The following CARMIL1 variants were observed in gnomAD, a reference collection of about 807,000 sequenced individuals.
CARMIL1 encodes the protein F-actin-uncapping protein LRRC16A.
In CARMIL1, 90 loss-of-function variants were observed where a neutral mutation model predicts 177.1. The observed-to-expected ratio is 0.51, with a 90% confidence interval of 0.43 to 0.61. The LOEUF (loss-of-function observed/expected upper bound fraction) is 0.61. CARMIL1 is among the 20% of genes least tolerant of loss of function. CARMIL1 has a pLI of 0.00. For synonymous variants in CARMIL1, 577 were observed against 606.2 expected (o/e 0.95, Z 0.71); for missense variants, 1,380 against 1,667.0 (o/e 0.83, Z 3.00).
chr6:25,590,850 AT>A (rs1814227162), intron 31 of CARMIL1, among the ~76,000 whole-genome samples: 1 of 152,048 alleles, frequency 6.6e-6, no homozygotes. Context: ...ATTTTAACAT[AT>A]TTTTAATGCC....
At chr6:25,465,203 A>G (rs1322617899) in intron 8 of CARMIL1, among the ~76,000 whole-genome samples, 1 of 152,068 alleles carries the variant, frequency 6.6e-6, no homozygotes, top group African/African-American at 2.4e-5. Context: ...ACTAGAGAAT[A>G]CTATATGAGA....
intron 32 of CARMIL1, among the ~76,000 whole-genome samples, chr6:25,597,276 C>T (rs764328940): frequency 6.6e-5 from 10 of 152,080 alleles, no homozygotes; most frequent in Non-Finnish European, 1.2e-4. Flanking sequence ...AAAGGTACCA[C>T]CTCCCAATAC....
At chr6:25,370,571 G>T (rs965940293) in intron 2 of CARMIL1, among the ~76,000 whole-genome samples, 1 of 152,126 alleles carries the variant, frequency 6.6e-6, no homozygotes, top group Non-Finnish European at 1.5e-5. Context: ...TTTGTCTTTT[G>T]TACTGCCCCG....
At chr6:25,588,200 T>C (rs1029701411) in intron 31 of CARMIL1, among the ~76,000 whole-genome samples, 8 of 152,188 alleles carry the variant, frequency 5.3e-5, no homozygotes, top group African/African-American at 1.9e-4. Flanking sequence ...TCCTCAAGCG[T>C]CCTGGAACCA....
chr6:25,383,218 G>A lies in CARMIL1; in HGVS notation c.139-36896G>A, dbSNP rs538881870. Among the ~76,000 whole-genome samples, 7 of 152,276 alleles carry A rather than the reference G, an allele frequency of 4.6e-5. No individual in the cohort carries two copies. In the East Asian group the frequency reaches 7.7e-4, roughly 17 times the overall value. On this transcript the variant is annotated intron_variant, in intron 2 of 36. Transcript: ENST00000329474. ...CTTGGGTAGTGGCATGAGAAAGTGG[G>A]TCTGTTGTTGGGAATAAGGTAGGCT...
At chr6:25,280,000 T>C (rs376470009) in intron 1 of CARMIL1, among the ~76,000 whole-genome samples, 165 bp downstream of exon 1, 1 of 152,094 alleles carries the variant, frequency 6.6e-6, no homozygotes, top group African/African-American at 2.4e-5. Flanking sequence ...TTTGTTCCCA[T>C]CCGACCGCCT....
chr6:25,376,370 G>A (rs973201910), intron 2 of CARMIL1, among the ~76,000 whole-genome samples: 18 of 152,206 alleles, frequency 1.2e-4, no homozygotes, highest in African/African-American at 3.9e-4. Flanking sequence ...ATGAGCCACC[G>A]TATCTGGCTG....
At chr6:25,336,597 T>C (rs1786264171) in intron 2 of CARMIL1, among the ~76,000 whole-genome samples, 1 of 152,228 alleles carries the variant, frequency 6.6e-6, no homozygotes, top group Non-Finnish European at 1.5e-5. Flanking sequence ...ATGTAAATCA[T>C]TCATGAAAGT....
At chr6:25,379,468 G>C (rs548162489) in intron 2 of CARMIL1, among the ~76,000 whole-genome samples, 11 of 152,278 alleles carry the variant, frequency 7.2e-5, no homozygotes, top group African/African-American at 2.4e-4. Context: ...TGGATAGATG[G>C]AAGAAGGAGG....
chr6:25,601,341 G>A (rs906390285), intron 33 of CARMIL1, among the ~76,000 whole-genome samples: 2 of 152,120 alleles, frequency 1.3e-5, no homozygotes, highest in African/African-American at 2.4e-5. Context: ...CTGCCCAGGG[G>A]CCTCCTGTGC....
intron 17 of CARMIL1, among the ~76,000 whole-genome samples, chr6:25,502,698 A>T (rs1487393332): frequency 6.6e-6 from 1 of 152,200 alleles, no homozygotes; most frequent in Non-Finnish European, 1.5e-5. Flanking sequence ...CAGTTCTGTG[A>T]TAAAGCTGGG....
chr6:25,380,574 C>T (rs754961904), intron 2 of CARMIL1, among the ~76,000 whole-genome samples: 5 of 151,956 alleles, frequency 3.3e-5, no homozygotes, highest in Non-Finnish European at 5.9e-5. Context: ...ATGAACTCTA[C>T]AAAAAACTAA....
At chr6:25,407,181 A>G (rs137858998) in intron 2 of CARMIL1, among the ~76,000 whole-genome samples, 36 of 152,268 alleles carry the variant, frequency 2.4e-4, no homozygotes, top group African/African-American at 8.2e-4. Flanking sequence ...AGGCAGGAAT[A>G]TGAAGACACT....
At position 25,450,420 on chromosome 6, in the gene CARMIL1, CTG is replaced by C. The variant is rs1798670225; in HGVS notation, c.540+15_540+16del. On this transcript the variant is annotated intron_variant, in intron 7 of 36. Transcript: ENST00000329474. ...GAAGAAGTACAATGGGTAAGAATGT[CTG>C]TGTACATGTGCATGAGCACACACAC... is the stretch of plus-strand genomic sequence containing the variant. 9.3e-6 allele frequency: 15 copies of C among 1,606,004 alleles called. No individual in the cohort carries two copies. Among genetic ancestry groups the C allele is most frequent in the Non-Finnish European group, 1.3e-5 (15 of 1,172,952 alleles).
rs74332838 is a variant in CARMIL1 at position 25,571,604 on chromosome 6, T to C, written c.2743-9320T>C. The stretch of plus-strand genomic sequence containing the variant: ...TACTTTACAATTAGTACTTTACAAT[T>C]AGTACTTTACAATGGAGCACAGCTG... On this transcript the variant is annotated intron_variant, in intron 29 of 36. Coordinates refer to ENST00000329474, the MANE Select transcript of CARMIL1 (RefSeq NM_017640.6). Among the ~76,000 whole-genome samples the C allele has an allele frequency of 5.4e-4, 82 of 152,184 alleles. 1 individual carries two copies. The East Asian group carries it at 0.016, about 29-fold the overall frequency.
At position 25,491,765 on chromosome 6, in the gene CARMIL1, A is replaced by G. The variant is rs1179061331; in HGVS notation, c.1099A>G (p.Ile367Val). ...TAATTTTTTGGCCCAGCCAAATGCC[A>G]TTGTTCATCTGGATTTATCCAATAC... is the stretch of plus-strand genomic sequence containing the variant. ...MYNFLAQPNA[I>V]VHLDLSNTEC... The change falls in exon 14 of 37, where the codon ATT becomes GTT. Residue 367 changes from isoleucine to valine, a missense_variant. Coordinates refer to ENST00000329474, the MANE Select transcript of CARMIL1 (RefSeq NM_017640.6). 6.2e-7 allele frequency: 1 copy of G among 1,600,584 alleles called. No individual in the cohort carries two copies. Among genetic ancestry groups the G allele is most frequent in the Non-Finnish European group, 8.5e-7 (1 of 1,173,428 alleles).
At chr6:25,449,156 G>T (rs2150838917) in intron 5 of CARMIL1, among the ~76,000 whole-genome samples, 1 of 152,220 alleles carries the variant, frequency 6.6e-6, no homozygotes, top group African/African-American at 2.4e-5. Context: ...CTCCCAAAGT[G>T]CTGGAATTAC....
intron 2 of CARMIL1, among the ~76,000 whole-genome samples, chr6:25,388,558 G>GT (rs907350208): frequency 6.6e-6 from 1 of 152,164 alleles, no homozygotes; most frequent in Non-Finnish European, 1.5e-5. Context: ...TAGAGACGGG[G>GT]TTTCACCATG....
chr6:25,528,752 G>C (rs1212697778), intron 23 of CARMIL1, 43 bp from the exon 24 acceptor site: 1 of 1,375,444 alleles, frequency 7.3e-7, no homozygotes, highest in Admixed American at 1.9e-5. Flanking sequence ...TTCTCCGCTG[G>C]GTTGAAATGT....
Sources: gnomAD v4.1 joint callset for allele counts (sites outside exome capture counted in the v4.1 genomes callset) on GRCh38, gnomAD v4.1.1 for gene constraint, MANE v1.5 for transcripts, NCBI Gene and HGNC (gene_info 2026-07-23, HGNC 2026-07-21) for gene names.